TTC28: variants seen among roughly 807,000 people sequenced by gnomAD.
TTC28 encodes the protein tetratricopeptide repeat domain 28.
In TTC28, 61 loss-of-function variants were observed where a neutral mutation model predicts 198.0. The ratio of observed to expected loss-of-function variants is 0.31; its 90% confidence interval spans 0.25 to 0.38. The LOEUF is 0.38. Ranked by LOEUF, TTC28 falls within the 10% of genes least tolerant of loss-of-function variation. The probability of loss-of-function intolerance (pLI) is 1.00; values close to 1 mark genes in which losing one functional copy is unlikely to be tolerated. For synonymous variants in TTC28, 1,171 were observed against 1,297.8 expected, an observed-to-expected ratio of 0.90 and a Z score of 2.10; for missense variants, 2,678 against 3,164.0, an observed-to-expected ratio of 0.85 and a Z score of 3.69.
chr22:28,669,414 T>C (rs1409189951), intron 1 of TTC28, among the ~76,000 whole-genome samples: 5 of 151,926 alleles, frequency 3.3e-5, no homozygotes, highest in African/African-American at 1.2e-4. Context: ...AGGGGAAGAA[T>C]ATTCCCAGAA....
At chr22:28,468,518 T>C (rs1049502868) in intron 2 of TTC28, among the ~76,000 whole-genome samples, 5 of 151,744 alleles carry the variant, frequency 3.3e-5, no homozygotes, top group African/African-American at 9.7e-5. Context: ...TCATCTCTCA[T>C]AATGCTTTTT....
At chr22:28,263,064 A>T (rs887780301) in intron 5 of TTC28, among the ~76,000 whole-genome samples, 1 of 152,184 alleles carries the variant, frequency 6.6e-6, no homozygotes, top group Admixed American at 6.5e-5. Context: ...TGAAAAGTCC[A>T]AAGTGGTTTT....
Position 28,074,655 on chromosome 22 carries a change from C to T in TTC28, c.3932+19425G>A, listed in dbSNP as rs546113799. 4.6e-5 allele frequency among the ~76,000 whole-genome samples: 7 copies of T among 152,324 alleles called. No homozygotes were observed. The East Asian group carries it at 5.8e-4, about 13-fold the overall frequency. On this transcript the variant is annotated intron_variant, in intron 12 of 22. Transcript: ENST00000397906. ...GATCAGTCTGAATTCCAAGCCCTCA[C>T]GCTTGCCCAGTGACAGGCTCATGAC...
intron 12 of TTC28, among the ~76,000 whole-genome samples, chr22:28,062,622 C>G (rs1260570117): frequency 6.6e-6 from 1 of 152,038 alleles, no homozygotes; most frequent in East Asian, 1.9e-4. Context: ...ACGCAAGCCA[C>G]TGTACTTGGC....
chr22:28,342,114 T>G (rs2045841439), intron 2 of TTC28, among the ~76,000 whole-genome samples: 1 of 152,242 alleles, frequency 6.6e-6, no homozygotes, highest in Non-Finnish European at 1.5e-5. Flanking sequence ...GAGCTAAAAT[T>G]GTTTTTTGTG....
chr22:28,343,459 G>C (rs1287194384), intron 2 of TTC28, among the ~76,000 whole-genome samples: 2 of 151,912 alleles, frequency 1.3e-5, no homozygotes, highest in Non-Finnish European at 1.5e-5. Flanking sequence ...GAACCCGGGA[G>C]GTGGAGGTTA....
chr22:28,160,259 C>A (rs1341291240), intron 6 of TTC28, among the ~76,000 whole-genome samples: 2 of 152,146 alleles, frequency 1.3e-5, no homozygotes, highest in Admixed American at 6.5e-5. Flanking sequence ...GGGATGGATA[C>A]CCCATTCTCC....
chr22:28,008,964 T>A (rs1938029803), intron 14 of TTC28, among the ~76,000 whole-genome samples: 1 of 152,234 alleles, frequency 6.6e-6, no homozygotes, highest in South Asian at 2.1e-4. Context: ...TCCTTCACTC[T>A]AATTTGATTA....
intron 5 of TTC28, among the ~76,000 whole-genome samples, chr22:28,196,592 GA>G (rs1171078550): frequency 6.6e-6 from 1 of 151,780 alleles, no homozygotes; most frequent in East Asian, 1.9e-4. Flanking sequence ...AAATTTACAA[GA>G]AAAAAACAAA....
At chr22:28,176,781 T>G (rs529537714) in intron 5 of TTC28, among the ~76,000 whole-genome samples, 8 of 152,246 alleles carry the variant, frequency 5.3e-5, no homozygotes, top group African/African-American at 1.9e-4. Context: ...TTTGACAGGG[T>G]ACAAAGGTAG....
chr22:28,140,517 G>C (rs1943307000), intron 6 of TTC28, among the ~76,000 whole-genome samples: 1 of 152,162 alleles, frequency 6.6e-6, no homozygotes, highest in Non-Finnish European at 1.5e-5. Flanking sequence ...TTCCACCTAT[G>C]TCAACATTCA....
intron 1 of TTC28, among the ~76,000 whole-genome samples, chr22:28,634,497 C>A: frequency 7.2e-6 from 1 of 138,102 alleles, no homozygotes; most frequent in Admixed American, 7.4e-5. Context: ...CTAAGCGAGA[C>A]TCCATCTCAA....
chr22:28,312,872 TGAA>T (rs1319479322), intron 2 of TTC28, among the ~76,000 whole-genome samples: 1 of 151,892 alleles, frequency 6.6e-6, no homozygotes, highest in Non-Finnish European at 1.5e-5. Context: ...AGAGCAGAAC[TGAA>T]GGAGATAGAG....
Position 28,390,093 on chromosome 22 carries a change from G to A in TTC28, c.382-83450C>T, listed in dbSNP as rs560968175. 5.5e-3 allele frequency among the ~76,000 whole-genome samples: 834 copies of A among 151,786 alleles called. 10 individuals carry two copies. Among genetic ancestry groups the A allele is most frequent in the African/African-American group, 0.013 (538 of 41,358 alleles). ...ACATCTTTATTTCTGCCTTCATTTC[G>A]TTATGTACCCAGTAGTCATTCAGGA... is the stretch of plus-strand genomic sequence containing the variant. On this transcript the variant is annotated intron_variant, in intron 2 of 22. Transcript: ENST00000397906.
At chr22:28,102,047 T>C (rs1317503450) in intron 8 of TTC28, among the ~76,000 whole-genome samples, 1 of 152,172 alleles carries the variant, frequency 6.6e-6, no homozygotes, top group Non-Finnish European at 1.5e-5. Flanking sequence ...TCCATAGCTT[T>C]GCAAAGGAAA....
At chr22:28,176,973 T>C (rs1423295367) in intron 5 of TTC28, among the ~76,000 whole-genome samples, 1 of 152,144 alleles carries the variant, frequency 6.6e-6, no homozygotes, top group East Asian at 1.9e-4. Context: ...AAAATCTACA[T>C]GACCTTTATA....
chr22:28,545,038 G>A (rs772357599), intron 2 of TTC28, among the ~76,000 whole-genome samples: 22 of 152,088 alleles, frequency 1.4e-4, no homozygotes, highest in Non-Finnish European at 2.5e-4. Flanking sequence ...ATTTGCTTTC[G>A]CTTTACTCTA....
At chr22:28,442,500 G>C (rs763006529) in intron 2 of TTC28, among the ~76,000 whole-genome samples, 2 of 152,216 alleles carry the variant, frequency 1.3e-5, no homozygotes, top group Non-Finnish European at 2.9e-5. Flanking sequence ...CACCACCTGC[G>C]GGGCCTGTGT....
intron 2 of TTC28, among the ~76,000 whole-genome samples, chr22:28,369,488 T>C (rs1389927590): frequency 1.3e-5 from 2 of 152,202 alleles, no homozygotes; most frequent in African/African-American, 4.8e-5. Context: ...TAGTAACAGG[T>C]CATTCAAAAT....
Sources: allele counts gnomAD v4.1 joint callset (sites outside exome capture counted in the v4.1 genomes callset), GRCh38; gene constraint gnomAD v4.1.1; transcripts MANE v1.5; gene names NCBI Gene and HGNC (gene_info 2026-07-23, HGNC 2026-07-21).